Variants in CCDC178 observed in about 807,000 individuals in gnomAD.
The protein encoded by CCDC178 is coiled-coil domain-containing protein 178.
In CCDC178, 126 loss-of-function variants were observed where a neutral mutation model predicts 117.4. The ratio of observed to expected loss-of-function variants is 1.07; its 90% confidence interval spans 0.93 to 1.24. The LOEUF (loss-of-function observed/expected upper bound fraction) is 1.24. Ranked by LOEUF, CCDC178 falls within the 50% of genes most tolerant of loss-of-function variation. CCDC178 has a pLI of 0.00. For missense variants in CCDC178, 1,030 were observed against 986.9 expected (o/e 1.04, Z -0.59); for synonymous variants, 283 against 313.4 (o/e 0.90, Z 1.02).
chr18:33,077,516 T>C (rs1445067236), intron 21 of CCDC178, among the ~76,000 whole-genome samples: 1 of 151,740 alleles, frequency 6.6e-6, no homozygotes, highest in Non-Finnish European at 1.5e-5. Context: ...AAAATAATAA[T>C]ATAGATAGGC....
chr18:33,428,663 T>G (rs535508520), intron 2 of CCDC178, among the ~76,000 whole-genome samples: 1 of 134,954 alleles, frequency 7.4e-6, no homozygotes, highest in African/African-American at 2.9e-5. Context: ...ACCCAGGAGA[T>G]GGAGGTTGCA....
At chr18:33,312,484 C>G (rs1299008384) in intron 11 of CCDC178, among the ~76,000 whole-genome samples, 1 of 152,136 alleles carries the variant, frequency 6.6e-6, no homozygotes, top group East Asian at 1.9e-4. Flanking sequence ...AGTATCCCTA[C>G]CCAACATAAG....
At chr18:33,253,739 A>G (rs1020656823) in intron 14 of CCDC178, among the ~76,000 whole-genome samples, 1 of 151,884 alleles carries the variant, frequency 6.6e-6, no homozygotes, top group African/African-American at 2.4e-5. Flanking sequence ...ACCTAACGGA[A>G]GAGAAGAGGC....
intron 20 of CCDC178, among the ~76,000 whole-genome samples, chr18:33,188,948 T>C (rs1381083705): frequency 1.3e-5 from 2 of 152,178 alleles, no homozygotes; most frequent in African/African-American, 2.4e-5. Flanking sequence ...CTGATTGAAC[T>C]TGAAGTTGAA....
chr18:33,217,886 T>C (rs1289973128), intron 18 of CCDC178, among the ~76,000 whole-genome samples: 1 of 152,048 alleles, frequency 6.6e-6, no homozygotes, highest in Non-Finnish European at 1.5e-5. Context: ...TAATGAGTTA[T>C]GTGAACCTGT....
Position 33,073,428 on chromosome 18 carries a change from A to G in CCDC178, c.2388+19333T>C, listed in dbSNP as rs145384988. Among the ~76,000 whole-genome samples, 189 of 152,250 alleles carry G rather than the reference A, an allele frequency of 1.2e-3. 3 individuals are homozygous for G. Among genetic ancestry groups the G allele is most frequent in the Admixed American group, 0.011 (174 of 15,288 alleles). ...CTCCATTATATACAAATTCTATCATATACTCAGACAATTCTGTATTACTGT... is the reference window on the plus strand; with the variant it reads ...CTCCATTATATACAAATTCTATCATGTACTCAGACAATTCTGTATTACTGT... On this transcript the variant is annotated intron_variant, in intron 21 of 22. Coordinates refer to ENST00000383096, the MANE Select transcript of CCDC178 (RefSeq NM_001105528.4).
intron 22 of CCDC178, among the ~76,000 whole-genome samples, chr18:32,969,013 A>G (rs1055894959): frequency 6.6e-6 from 1 of 152,040 alleles, no homozygotes; most frequent in Non-Finnish European, 1.5e-5. Context: ...CAAAGCAACC[A>G]GTGAATGCTT....
At chr18:33,222,530 C>T (rs2059249119) in intron 18 of CCDC178, among the ~76,000 whole-genome samples, 2 of 152,044 alleles carry the variant, frequency 1.3e-5, no homozygotes. Flanking sequence ...CCTTCATACT[C>T]ATGTGGTAGA....
chr18:32,968,824 C>G, intron 22 of CCDC178, among the ~76,000 whole-genome samples: 1 of 151,948 alleles, frequency 6.6e-6, no homozygotes, highest in East Asian at 1.9e-4. Context: ...CACACAGAAT[C>G]AGAGATTTCC....
At chr18:33,278,264 CAT>C (rs35568457) in intron 12 of CCDC178, among the ~76,000 whole-genome samples, 22 of 142,384 alleles carry the variant, frequency 1.5e-4, no homozygotes, top group African/African-American at 5.6e-4. Context: ...TATACATACA[CAT>C]ATATATACAC....
intron 9 of CCDC178, among the ~76,000 whole-genome samples, chr18:33,336,996 T>A (rs1452824225): frequency 6.6e-6 from 1 of 152,086 alleles, no homozygotes; most frequent in Admixed American, 6.5e-5. Context: ...GGCCATATGG[T>A]CATTTTCACA....
chr18:33,338,007 G>A (rs1195478043), intron 9 of CCDC178, among the ~76,000 whole-genome samples: 1 of 152,062 alleles, frequency 6.6e-6, no homozygotes, highest in Admixed American at 6.5e-5. Flanking sequence ...CGAACTATAC[G>A]TTGAAAAAAG....
intron 21 of CCDC178, among the ~76,000 whole-genome samples, chr18:33,019,610 C>A (rs2056069283): frequency 6.6e-6 from 1 of 152,050 alleles, no homozygotes; most frequent in South Asian, 2.1e-4. Flanking sequence ...GCTCTTATAC[C>A]ATTAGATGCT....
intron 20 of CCDC178, among the ~76,000 whole-genome samples, chr18:33,141,878 T>C (rs1241848147): frequency 6.6e-6 from 1 of 152,164 alleles, no homozygotes; most frequent in Non-Finnish European, 1.5e-5. Context: ...TTCTTCTTGT[T>C]TGCAAGAGGA....
intron 21 of CCDC178, among the ~76,000 whole-genome samples, chr18:33,055,352 T>A (rs900373139): frequency 1.5e-4 from 23 of 152,150 alleles, no homozygotes; most frequent in Admixed American, 3.9e-4. Flanking sequence ...TTCTTTTTTT[T>A]AAGACAGGGT....
rs761024594 is a variant in CCDC178 at position 33,224,846 on chromosome 18, G to A, written c.1747C>T (p.Leu583=). 13 of 1,579,972 alleles carry A rather than the reference G, an allele frequency of 8.2e-6. 1 individual carries two copies. The South Asian group carries it at 1.4e-4, about 17-fold the overall frequency. The change falls in exon 17 of 23, where the codon CTA becomes TTA. Residue 583 remains leucine (L), a synonymous_variant. Transcript: ENST00000383096. ...TCTAGTTGAAGCAGAGGTTCCTGTAGTTCTGCCAGTGACATGGCACATATT... is the reference window on the plus strand; with the variant it reads ...TCTAGTTGAAGCAGAGGTTCCTGTAATTCTGCCAGTGACATGGCACATATT... ...RAICAMSLAE[L]QEPLLQLEDE...
At chr18:33,220,783 T>G (rs779576602) in intron 18 of CCDC178, among the ~76,000 whole-genome samples, 9 of 152,106 alleles carry the variant, frequency 5.9e-5, no homozygotes, top group Non-Finnish European at 1.2e-4. Flanking sequence ...TAACATTGGC[T>G]GAAGATAATA....
At chr18:33,227,323 T>C (rs917099326) in intron 15 of CCDC178, among the ~76,000 whole-genome samples, 5 of 151,358 alleles carry the variant, frequency 3.3e-5, no homozygotes, top group African/African-American at 4.8e-5. Context: ...TTCAAGTTTG[T>C]AGGGAAAAAA....
intron 18 of CCDC178, among the ~76,000 whole-genome samples, chr18:33,217,363 T>G (rs1230112739): frequency 6.6e-6 from 1 of 152,014 alleles, no homozygotes; most frequent in African/African-American, 2.4e-5. Context: ...TTTCACCATT[T>G]TATAAAGAAA....
Sources: allele counts gnomAD v4.1 joint callset (sites outside exome capture counted in the v4.1 genomes callset), GRCh38; gene constraint gnomAD v4.1.1; transcripts MANE v1.5; gene names NCBI Gene and HGNC (gene_info 2026-07-23, HGNC 2026-07-21).